The following BCL11B variants were observed in gnomAD, a reference collection of about 807,000 sequenced individuals.
BCL11B encodes the protein BCL11 transcription factor B.
BCL11B carries 8 observed loss-of-function variants against 49.9 expected under a neutral mutation model. The ratio of observed to expected loss-of-function variants is 0.16; its 90% CI spans 0.09 to 0.29. The LOEUF (loss-of-function observed/expected upper bound fraction) is 0.29. Ranked by LOEUF, BCL11B falls within the 10% of genes least tolerant of loss-of-function variation. BCL11B has a pLI of 1.00. For missense variants in BCL11B, 1,006 were observed against 1,351.0 expected, an observed-to-expected ratio of 0.74 and a Z score of 4.00; for synonymous variants, 739 against 637.4, an observed-to-expected ratio of 1.16 and a Z score of -2.40.
intron 3 of BCL11B, among the ~76,000 whole-genome samples, chr14:99,198,962 T>G (rs1395959021): frequency 6.6e-6 from 1 of 152,054 alleles, no homozygotes; most frequent in African/African-American, 2.4e-5. Context: ...TAGCTCAGAC[T>G]CCCCGGACAC....
rs1180214354 is a variant in BCL11B, at chr14:99,271,352, C to T, written c.-134G>A. 9 of 472,858 alleles carry T rather than the reference C, an allele frequency of 1.9e-5. No individual in the cohort carries two copies. The highest frequency in any genetic ancestry group is 4.3e-4 in the Middle Eastern group (1 of 2,306). The allele number at this position is 472,858 out of a possible 1,614,324, so 29.3% of individuals were successfully genotyped here. ...GCCGCCGCCGCACCTCCTCCTCTGC[C>T]CGGGTTGGTGTTTTTTTTCCCTTCC... On this transcript the variant is annotated 5_prime_UTR_variant, in exon 1 of 4. Transcript: ENST00000357195.
intron 3 of BCL11B, among the ~76,000 whole-genome samples, chr14:99,201,593 G>A (rs1398564057): frequency 6.6e-6 from 1 of 152,170 alleles, no homozygotes; most frequent in Non-Finnish European, 1.5e-5. Context: ...TGTTCACCCT[G>A]TTCTGCCCCC....
chr14:99,228,379 T>C lies in BCL11B; in HGVS notation c.640+2966A>G, dbSNP rs563662283. ...AATAGGATAGTTTCAGGTATTCAAA[T>C]TGATCGGGAAACATGGTGGTGCAAG... On this transcript the variant is annotated intron_variant, in intron 3 of 3. Transcript: ENST00000357195. The surrounding 1 kb of genome is among the most constrained non-coding windows in gnomAD (Gnocchi z 4.8). Among the ~76,000 whole-genome samples the C allele has an allele frequency of 3.0e-4, 46 of 152,296 alleles. No individual in the cohort carries two copies. Among genetic ancestry groups the C allele is most frequent in the African/African-American group, 1.1e-3 (46 of 41,558 alleles).
chr14:99,178,608 A>C (rs1886608436), intron 3 of BCL11B, among the ~76,000 whole-genome samples: 1 of 152,260 alleles, frequency 6.6e-6, no homozygotes, highest in Non-Finnish European at 1.5e-5. Flanking sequence ...TAGCTCAGAC[A>C]GCCTCATAGG....
At position 99,205,702 on chromosome 14, in the gene BCL11B, G is replaced by T. The variant is rs1417758925; in HGVS notation, c.640+25643C>A. Among the ~76,000 whole-genome samples the T allele has an allele frequency of 6.6e-6, 1 of 152,054 alleles. No homozygotes were observed. The highest frequency in any genetic ancestry group is 2.4e-5 in the African/African-American group (1 of 41,386). On this transcript the variant is annotated intron_variant, in intron 3 of 3. Coordinates refer to ENST00000357195, the MANE Select transcript of BCL11B (RefSeq NM_138576.4). This position sits in a 1 kb window ranked among gnomAD's most constrained non-coding sequence, Gnocchi z 5.0. ...ATGTAAATAAACAAACAGAGTACGTGGTAAGGAGCAGAATTCCCAGAAAGT... is the reference window on the plus strand; with the variant it reads ...ATGTAAATAAACAAACAGAGTACGTTGTAAGGAGCAGAATTCCCAGAAAGT...
intron 2 of BCL11B, among the ~76,000 whole-genome samples, chr14:99,255,665 A>C (rs547725137): frequency 6.6e-6 from 1 of 152,306 alleles, no homozygotes; most frequent in Admixed American, 6.5e-5. Flanking sequence ...TAGCAAGGCC[A>C]CCCCTGAAAG....
intron 1 of BCL11B, among the ~76,000 whole-genome samples, chr14:99,268,766 C>T (rs367594574): frequency 6.6e-5 from 10 of 152,316 alleles, no homozygotes; most frequent in African/African-American, 2.4e-4. Context: ...TCCGTGTGCC[C>T]CTCAAAGGCA....
chr14:99,257,670 G>A lies in BCL11B; in HGVS notation c.228C>T (p.His76=). 6.2e-7 allele frequency: 1 copy of A among 1,612,724 alleles called. No homozygotes were observed. The highest frequency in any genetic ancestry group is 2.2e-5 in the East Asian group (1 of 44,794). Residue 76 remains histidine (H), a synonymous_variant, in exon 2 of 4, where the codon CAC becomes CAT. Coordinates refer to ENST00000357195, the MANE Select transcript of BCL11B (RefSeq NM_138576.4). The surrounding 1 kb of genome is among the most constrained non-coding windows in gnomAD (Gnocchi z 6.2). ...AGCTGCCGCCACACTGCTTCCTTTTGTGCTCTATAAAAACCAGGATGTCCC... is the reference window on the plus strand; with the variant it reads ...AGCTGCCGCCACACTGCTTCCTTTTATGCTCTATAAAAACCAGGATGTCCC... ...PLGDILVFIE[H]KRKQCGGSLG...
In BCL11B at chr14:99,272,163, C is replaced by T. The variant is rs1184542359; in HGVS notation, c.-945G>A. Reference sequence around the variant, plus strand: ...ATTGCAACGTGAAGATGGCGGAGTCCGGGTTCTCTGGGAGCTCTCGGTCTC... The same window carrying T: ...ATTGCAACGTGAAGATGGCGGAGTCTGGGTTCTCTGGGAGCTCTCGGTCTC... On this transcript the variant is annotated 5_prime_UTR_variant, in exon 1 of 4. Coordinates refer to ENST00000357195, the MANE Select transcript of BCL11B (RefSeq NM_138576.4). This position sits in a 1 kb window ranked among gnomAD's most constrained non-coding sequence, Gnocchi z 6.0. 6.6e-6 allele frequency among the ~76,000 whole-genome samples: 1 copy of T among 152,092 alleles called. No individual in the cohort carries two copies. The highest frequency in any genetic ancestry group is 1.5e-5 in the Non-Finnish European group (1 of 68,002).
At chr14:99,271,056 GC>G in intron 1 of BCL11B, 104 bp downstream of exon 1, 4 of 1,219,420 alleles carry the variant, frequency 3.3e-6, no homozygotes, top group South Asian at 3.2e-5. Context: ...CCAGCGGGCG[GC>G]CCCGGCGCCT....
At chr14:99,178,691 T>TA (rs1238786770) in intron 3 of BCL11B, among the ~76,000 whole-genome samples, 1 of 152,112 alleles carries the variant, frequency 6.6e-6, no homozygotes, top group East Asian at 1.9e-4. Context: ...AAATAAGTAA[T>TA]AAAAAAAGAA....
At chr14:99,178,750 G>A (rs1334763796) in intron 3 of BCL11B, among the ~76,000 whole-genome samples, 1 of 152,184 alleles carries the variant, frequency 6.6e-6, no homozygotes, top group African/African-American at 2.4e-5. Context: ...CACAAATGAA[G>A]TGCCCCTTCC....
In BCL11B at chr14:99,171,982, AG is replaced by A. The variant is rs1886305442; in HGVS notation, c.*2168del. ...TATATACTAAAACCCCGTCACCAAA[AG>A]AAAACAATATACACGCGGCCACTGT... On this transcript the variant is annotated 3_prime_UTR_variant, in exon 4 of 4. Coordinates refer to ENST00000357195, the MANE Select transcript of BCL11B (RefSeq NM_138576.4). The A allele has an allele frequency of 4.9e-6, 1 of 206,056 alleles. No individual in the cohort carries two copies. The highest frequency in any genetic ancestry group is 2.3e-5 in the African/African-American group (1 of 43,710). The allele number at this position is 206,056 out of a possible 1,614,324, so 12.8% of individuals were successfully genotyped here.
At chr14:99,190,817 T>G (rs748884141) in intron 3 of BCL11B, among the ~76,000 whole-genome samples, 1 of 152,186 alleles carries the variant, frequency 6.6e-6, no homozygotes, top group African/African-American at 2.4e-5. Flanking sequence ...AAGGTACAGA[T>G]GTCTGACCTA....
In BCL11B at chr14:99,195,898, G is replaced by A. The variant is rs1011686769; in HGVS notation, c.641-19703C>T. ...CCTTAAAATTCTGCAGTCTGCACCC[G>A]CCCCTTGTGTCTGCGCGGCACAGTG... On this transcript the variant is annotated intron_variant, in intron 3 of 3. Transcript: ENST00000357195. The surrounding 1 kb of genome is among the most constrained non-coding windows in gnomAD (Gnocchi z 4.7). 8.5e-5 allele frequency among the ~76,000 whole-genome samples: 13 copies of A among 152,062 alleles called. No individual in the cohort carries two copies. The highest frequency in any genetic ancestry group is 1.5e-4 in the Non-Finnish European group (10 of 68,012).
rs1887736486 is a variant in BCL11B at position 99,213,219 on chromosome 14, A to G, written c.640+18126T>C. Among the ~76,000 whole-genome samples, 1 of 152,174 alleles carries G rather than the reference A, an allele frequency of 6.6e-6. No individual in the cohort carries two copies. Among genetic ancestry groups the G allele is most frequent in the African/African-American group, 2.4e-5 (1 of 41,432 alleles). On this transcript the variant is annotated intron_variant, in intron 3 of 3. Transcript: ENST00000357195. The surrounding 1 kb of genome is among the most constrained non-coding windows in gnomAD (Gnocchi z 5.1). ...CCCAGGCTCTCGATGAGCCCCTGGA[A>G]TGAAGAAGGGAGCCCCGGAGGCTCG...
chr14:99,175,229 TCC>T lies in BCL11B; in HGVS notation c.1605_1606del (p.Glu536GlyfsTer53). The T allele has an allele frequency of 1.3e-6, 2 of 1,549,174 alleles. No homozygotes were observed. The highest frequency in any genetic ancestry group is 1.9e-5 in the Admixed American group (1 of 51,898). On this transcript the variant is annotated frameshift_variant, in exon 4 of 4. Coordinates refer to ENST00000357195, the MANE Select transcript of BCL11B (RefSeq NM_138576.4). LOFTEE classifies it high-confidence loss of function. ...CAGCTCCTCCTCCTCCTCCTCCTCC[TCC>T]TCGTCCTCCTCCTCCGGCTCGTGGC...
At chr14:99,215,131 C>T (rs1251751999) in intron 3 of BCL11B, among the ~76,000 whole-genome samples, 1 of 143,026 alleles carries the variant, frequency 7.0e-6, no homozygotes, top group Non-Finnish European at 1.5e-5. Context: ...GAACAGATAT[C>T]CACGTTCTCC....
At position 99,174,145 on chromosome 14, in the gene BCL11B, G is replaced by C. The variant is rs373415349; in HGVS notation, c.*6C>G. On this transcript the variant is annotated 3_prime_UTR_variant, in exon 4 of 4. Coordinates refer to ENST00000357195, the MANE Select transcript of BCL11B (RefSeq NM_138576.4). ...GTACAGGTGCGGGGCGCCGGGGCCC[G>C]CGCGCTTAGCTCCTCTCGGCCTGCT... 1 of 1,609,728 alleles carries C rather than the reference G, an allele frequency of 6.2e-7. No homozygotes were observed. The highest frequency in any genetic ancestry group is 8.5e-7 in the Non-Finnish European group (1 of 1,179,474).
Sources: gnomAD v4.1 joint callset for allele counts (sites outside exome capture counted in the v4.1 genomes callset) on GRCh38, gnomAD v4.1.1 for gene constraint, Gnocchi (gnomAD v3.1) non-coding constraint, MANE v1.5 for transcripts, NCBI Gene and HGNC (gene_info 2026-07-23, HGNC 2026-07-21) for gene names.